Variants in NCKAP5 observed in about 807,000 individuals in gnomAD.
The protein encoded by NCKAP5 is NCK associated protein 5.
In NCKAP5, 92 loss-of-function variants were observed where a neutral mutation model predicts 167.0. The observed-to-expected ratio is 0.55, with a 90% CI of 0.47 to 0.66. The LOEUF (loss-of-function observed/expected upper bound fraction) is 0.66. Ranked by LOEUF, NCKAP5 falls within the 30% of genes least tolerant of loss-of-function variation. The pLI is 0.00. For missense variants in NCKAP5, 2,378 were observed against 2,315.0 expected (o/e 1.03, Z -0.56); for synonymous variants, 891 against 877.4 (o/e 1.02, Z -0.27).
chr2:133,638,298 C>G, the NCKAP5 span, among the ~76,000 whole-genome samples: 1 of 151,698 alleles, frequency 6.6e-6, no homozygotes, highest in Non-Finnish European at 1.5e-5. Context: ...TAGGGAAATA[C>G]AAAAATGAGA....
chr2:133,242,249 C>CTTTTTTTTTT (rs764246319), intron 4 of NCKAP5, among the ~76,000 whole-genome samples: 1 of 140,216 alleles, frequency 7.1e-6, no homozygotes, highest in Non-Finnish European at 1.5e-5. Flanking sequence ...TTTTTCTTTT[C>CTTTTTTTTTT]TTTTCTTTTC....
intron 4 of NCKAP5, among the ~76,000 whole-genome samples, chr2:133,299,981 CAG>C (rs1451495777): frequency 6.7e-6 from 1 of 149,704 alleles, no homozygotes; most frequent in Non-Finnish European, 1.5e-5. Flanking sequence ...AAACTACCAT[CAG>C]AGAATACTAC....
intron 7 of NCKAP5, among the ~76,000 whole-genome samples, chr2:132,967,162 T>TACAC (rs149896546): frequency 0.02 from 2,856 of 141,806 alleles, 80 homozygotes; most frequent in African/African-American, 0.062. Context: ...TGCCCTATCG[T>TACAC]ACACACACAC....
intron 5 of NCKAP5, among the ~76,000 whole-genome samples, chr2:133,141,649 T>C (rs2083001745): frequency 6.6e-6 from 1 of 152,178 alleles, no homozygotes; most frequent in Non-Finnish European, 1.5e-5. Context: ...TAATGATTAA[T>C]TTCTTACAAC....
intron 6 of NCKAP5, among the ~76,000 whole-genome samples, chr2:133,080,685 A>T (rs975823035): frequency 2.6e-5 from 4 of 152,204 alleles, no homozygotes; most frequent in Admixed American, 2.6e-4. Flanking sequence ...TAAATCAGCT[A>T]ACAAGCATTT....
intron 7 of NCKAP5, among the ~76,000 whole-genome samples, chr2:132,990,313 C>T (rs1350605056): frequency 6.6e-6 from 1 of 152,142 alleles, no homozygotes; most frequent in African/African-American, 2.4e-5. Flanking sequence ...TATCTACCTG[C>T]CTTCCCCACT....
intron 19 of NCKAP5, among the ~76,000 whole-genome samples, chr2:132,687,665 G>A (rs1166308535): frequency 1.3e-5 from 2 of 150,576 alleles, no homozygotes; most frequent in Admixed American, 1.3e-4. Flanking sequence ...AAATGACTAG[G>A]AGAAAGATGT....
At chr2:132,912,186 A>G (rs1335929161) in intron 8 of NCKAP5, among the ~76,000 whole-genome samples, 1 of 152,132 alleles carries the variant, frequency 6.6e-6, no homozygotes, top group Non-Finnish European at 1.5e-5. Context: ...ACAGGACCAT[A>G]CAGGGACTGC....
At chr2:133,177,577 T>C (rs1007811009) in intron 5 of NCKAP5, among the ~76,000 whole-genome samples, 3 of 152,148 alleles carry the variant, frequency 2.0e-5, no homozygotes, top group Non-Finnish European at 4.4e-5. Context: ...ACCCCAACTG[T>C]TTGGCTACTT....
chr2:132,879,397 C>T (rs116071926), intron 8 of NCKAP5, among the ~76,000 whole-genome samples: 1,798 of 152,258 alleles, frequency 0.012, 19 homozygotes, highest in Middle Eastern at 0.051. Flanking sequence ...GACTTACGTA[C>T]ATAAGATAAT....
chr2:132,866,001 G>A (rs1319352660), intron 10 of NCKAP5, among the ~76,000 whole-genome samples: 2 of 152,116 alleles, frequency 1.3e-5, no homozygotes, highest in African/African-American at 4.8e-5. Context: ...CCTTTACAGG[G>A]GAAATAGGAA....
intron 6 of NCKAP5, among the ~76,000 whole-genome samples, chr2:133,014,171 A>G (rs2078257075): frequency 6.6e-6 from 1 of 152,240 alleles, no homozygotes; most frequent in African/African-American, 2.4e-5. Flanking sequence ...CAAGACAAAG[A>G]CTGAACCACA....
intron 2 of NCKAP5, among the ~76,000 whole-genome samples, chr2:133,522,700 A>G (rs60316439): frequency 0.1 from 15,533 of 152,172 alleles, 1,301 homozygotes; most frequent in African/African-American, 0.23. Flanking sequence ...TACTAGACAC[A>G]TTTACAAGAG....
chr2:133,576,203 T>C, the NCKAP5 span, among the ~76,000 whole-genome samples: 1 of 143,334 alleles, frequency 7.0e-6, no homozygotes, highest in Non-Finnish European at 1.6e-5. Flanking sequence ...GCCATTCTTT[T>C]CTTTGTTCTT....
chr2:133,380,622 T>C (rs978928532), intron 3 of NCKAP5, among the ~76,000 whole-genome samples: 4 of 152,194 alleles, frequency 2.6e-5, no homozygotes, highest in African/African-American at 7.2e-5. Flanking sequence ...AATGTATCCA[T>C]CTCCATGTTG....
rs181513967 is a variant in NCKAP5 at position 132,819,184 on chromosome 2, C to T, written c.808-22455G>A. Among the ~76,000 whole-genome samples, 33 of 152,300 alleles carry T rather than the reference C, an allele frequency of 2.2e-4. No individual in the cohort carries two copies. The East Asian group carries it at 5.4e-3, about 25-fold the overall frequency. ...ATGTTGCATATGGCATGGAGCCCTTCTGTTGTGGCTCTGACTTCCCACATG... is the reference window on the plus strand; with the variant it reads ...ATGTTGCATATGGCATGGAGCCCTTTTGTTGTGGCTCTGACTTCCCACATG... On this transcript the variant is annotated intron_variant, in intron 11 of 19. Coordinates refer to ENST00000409261, the MANE Select transcript of NCKAP5 (RefSeq NM_207363.3).
chr2:133,249,994 G>T (rs2088218585), intron 4 of NCKAP5, among the ~76,000 whole-genome samples: 1 of 34,188 alleles, frequency 2.9e-5, no homozygotes, highest in African/African-American at 9.8e-5. Flanking sequence ...CCACCACCAA[G>T]GGTTTTATTA....
At chr2:133,246,381 A>G (rs2087993863) in intron 4 of NCKAP5, among the ~76,000 whole-genome samples, 1 of 152,230 alleles carries the variant, frequency 6.6e-6, no homozygotes, top group African/African-American at 2.4e-5. Flanking sequence ...TGTAGGTCAC[A>G]GCAAATTAGC....
chr2:132,897,527 G>C (rs1191827168), intron 8 of NCKAP5, among the ~76,000 whole-genome samples: 1 of 152,172 alleles, frequency 6.6e-6, no homozygotes, highest in Non-Finnish European at 1.5e-5. Context: ...TTTTAGGTCA[G>C]ATAGTTCTTT....
Sources: gnomAD v4.1 joint callset for allele counts (sites outside exome capture counted in the v4.1 genomes callset) on GRCh38, gnomAD v4.1.1 for gene constraint, MANE v1.5 for transcripts, NCBI Gene and HGNC (gene_info 2026-07-23, HGNC 2026-07-21) for gene names.